SYN3: variants seen among roughly 807,000 people sequenced by gnomAD.
The protein encoded by SYN3 is synapsin-3.
In SYN3, 35 loss-of-function variants were observed where a neutral mutation model predicts 65.8. That is an observed-to-expected ratio of 0.53 (90% CI 0.41 to 0.70). SYN3 has a LOEUF of 0.70. Among genes scored for constraint, SYN3 ranks in the 30% least tolerant of loss-of-function variants. The probability of loss-of-function intolerance (pLI) is 0.00; values close to 1 mark genes in which losing one functional copy is unlikely to be tolerated. For missense variants in SYN3, 680 were observed against 749.0 expected, an observed-to-expected ratio of 0.91 and a Z score of 1.08; for synonymous variants, 270 against 292.9, an observed-to-expected ratio of 0.92 and a Z score of 0.80.
At position 33,026,094 on chromosome 22, in the gene SYN3, C is replaced by A. The variant is rs1421830001; in HGVS notation, c.-162-19270G>T. On this transcript the variant is annotated intron_variant, in intron 1 of 13. Coordinates refer to ENST00000358763, the MANE Select transcript of SYN3 (RefSeq NM_003490.4). ...TAGATGGCTGCATCTTAGAGCCCAGCCAAGAAGAGTGAACTCCTAGCCAAC... is the reference window on the plus strand; with the variant it reads ...TAGATGGCTGCATCTTAGAGCCCAGACAAGAAGAGTGAACTCCTAGCCAAC... 2.0e-5 allele frequency among the ~76,000 whole-genome samples: 3 copies of A among 152,230 alleles called. No individual in the cohort carries two copies. The East Asian group carries it at 5.8e-4, about 29-fold the overall frequency.
intron 1 of SYN3, among the ~76,000 whole-genome samples, chr22:33,041,195 G>A (rs1302538137): frequency 6.6e-6 from 1 of 152,058 alleles, no homozygotes; most frequent in African/African-American, 2.4e-5. Context: ...GGGATTACAG[G>A]CGTGAGTCAC....
At chr22:32,604,963 G>A (rs113458276) in intron 6 of SYN3, among the ~76,000 whole-genome samples, 11,785 of 141,926 alleles carry the variant, frequency 0.083, 788 homozygotes, top group African/African-American at 0.18. Flanking sequence ...CCGAGATGGC[G>A]CCACTGCACA....
At chr22:32,794,241 C>A (rs1315261645) in intron 6 of SYN3, among the ~76,000 whole-genome samples, 1 of 152,240 alleles carries the variant, frequency 6.6e-6, no homozygotes, top group Non-Finnish European at 1.5e-5. Context: ...ACCACAGCAA[C>A]CTTCTGAGGA....
chr22:33,035,403 A>T (rs1226331655), intron 1 of SYN3, among the ~76,000 whole-genome samples: 1 of 136,234 alleles, frequency 7.3e-6, no homozygotes, highest in Non-Finnish European at 1.5e-5. Context: ...TCATTGCAAC[A>T]CCCTCTTCCA....
intron 7 of SYN3, among the ~76,000 whole-genome samples, chr22:32,576,144 G>A (rs1321223786): frequency 6.6e-6 from 1 of 152,100 alleles, no homozygotes. Context: ...GACACTCTGA[G>A]GCACCCACAT....
At chr22:32,655,801 G>A (rs998823511) in intron 6 of SYN3, among the ~76,000 whole-genome samples, 1 of 152,174 alleles carries the variant, frequency 6.6e-6, no homozygotes, top group East Asian at 1.9e-4. Flanking sequence ...AATAATAACA[G>A]AAATAAGGTG....
chr22:32,672,025 G>A (rs5994598), intron 6 of SYN3, among the ~76,000 whole-genome samples: 4,347 of 152,332 alleles, frequency 0.029, 77 homozygotes, highest in African/African-American at 0.037. Context: ...ATTCTGGAGA[G>A]CAGCAGTTGT....
rs147235478 is a variant in SYN3, at chr22:32,728,349, T to G, written c.712-131613A>C. Among the ~76,000 whole-genome samples, 227 of 152,366 alleles carry G rather than the reference T, an allele frequency of 1.5e-3. 2 individuals carry two copies. The East Asian group carries it at 0.04, about 27-fold the overall frequency. On this transcript the variant is annotated intron_variant, in intron 6 of 13. Coordinates refer to ENST00000358763, the MANE Select transcript of SYN3 (RefSeq NM_003490.4). ...CTTCATCTCCCATCATGCTCCCCTG[T>G]GCTTCCTGTGCTCCGGCCATACCAG...
chr22:32,641,034 C>T (rs2059890055), intron 6 of SYN3, among the ~76,000 whole-genome samples: 1 of 152,204 alleles, frequency 6.6e-6, no homozygotes, highest in South Asian at 2.1e-4. Flanking sequence ...AGGTCTCTGC[C>T]TCTGCAGCAA....
intron 4 of SYN3, among the ~76,000 whole-genome samples, chr22:32,911,397 T>C (rs1021286189): frequency 1.3e-5 from 2 of 152,136 alleles, no homozygotes; most frequent in African/African-American, 2.4e-5. Context: ...CCGTATGCCT[T>C]TGCGTGGTGC....
intron 1 of SYN3, among the ~76,000 whole-genome samples, chr22:33,020,227 T>C (rs930103105): frequency 1.3e-5 from 2 of 152,226 alleles, no homozygotes; most frequent in Admixed American, 6.5e-5. Flanking sequence ...TTTGTTCACA[T>C]AGACCCAATC....
intron 6 of SYN3, among the ~76,000 whole-genome samples, chr22:32,658,476 T>C (rs1470216057): frequency 2.0e-5 from 3 of 152,196 alleles, no homozygotes; most frequent in African/African-American, 7.2e-5. Flanking sequence ...CTTGGCAGGT[T>C]AGAAGCTGGA....
intron 12 of SYN3, among the ~76,000 whole-genome samples, chr22:32,527,321 G>A (rs1481085594): frequency 2.0e-5 from 3 of 152,084 alleles, no homozygotes; most frequent in African/African-American, 4.8e-5. Flanking sequence ...CTTTTACCTC[G>A]CAGTAGAAAG....
intron 7 of SYN3, among the ~76,000 whole-genome samples, chr22:32,573,048 A>C (rs150671745): frequency 6.6e-6 from 1 of 152,172 alleles, no homozygotes; most frequent in South Asian, 2.1e-4. Context: ...TTATTAGATC[A>C]TTGTTAGGTT....
chr22:33,017,144 C>T (rs908069831), intron 1 of SYN3, among the ~76,000 whole-genome samples: 2 of 152,242 alleles, frequency 1.3e-5, no homozygotes, highest in Non-Finnish European at 2.9e-5. Context: ...ATTTTCCCAA[C>T]ATCACTTATG....
chr22:32,660,355 T>C (rs4821083), intron 6 of SYN3, among the ~76,000 whole-genome samples: 40,233 of 152,078 alleles, frequency 0.26, 7,128 homozygotes, highest in East Asian at 0.71. Flanking sequence ...TCCAGGTCAG[T>C]GCGTCTCTGA....
intron 1 of SYN3, among the ~76,000 whole-genome samples, chr22:33,016,347 C>T (rs1001425290): frequency 3.9e-5 from 6 of 152,188 alleles, no homozygotes; most frequent in Non-Finnish European, 8.8e-5. Flanking sequence ...CTTCTGGTGA[C>T]AGGCATTACA....
Position 32,959,875 on chromosome 22 carries a change from G to A in SYN3, c.369+20770C>T, listed in dbSNP as rs12158771. Among the ~76,000 whole-genome samples, 1,499 of 152,312 alleles carry A rather than the reference G, an allele frequency of 9.8e-3. 23 individuals carry two copies. The highest frequency in any genetic ancestry group is 0.034 in the African/African-American group (1,431 of 41,572). On this transcript the variant is annotated intron_variant, in intron 3 of 13. Coordinates refer to ENST00000358763, the MANE Select transcript of SYN3 (RefSeq NM_003490.4). ...CTTCCAAAGTGCTGGGATTACAGGC[G>A]TGAGCCACCATGCCCAACTTCAGAT...
At chr22:32,956,041 C>CATATATATATATATAAATAT (rs2051443819) in intron 3 of SYN3, among the ~76,000 whole-genome samples, 1 of 130,678 alleles carries the variant, frequency 7.7e-6, no homozygotes, top group African/African-American at 3.3e-5. Flanking sequence ...AATAAATTCA[C>CATATATATATATATAAATAT]ATATATATAT....
Sources: allele counts gnomAD v4.1 joint callset (sites outside exome capture counted in the v4.1 genomes callset), GRCh38; gene constraint gnomAD v4.1.1; transcripts MANE v1.5; gene names NCBI Gene and HGNC (gene_info 2026-07-23, HGNC 2026-07-21).